DCLK2: variants seen among roughly 807,000 people sequenced by gnomAD.
The protein encoded by DCLK2 is serine/threonine-protein kinase DCLK2.
Under a neutral mutation model 78.4 loss-of-function variants are expected in DCLK2, and 31 were observed. That is an observed-to-expected ratio of 0.40 (90% CI 0.30 to 0.53). The LOEUF (loss-of-function observed/expected upper bound fraction) is 0.53, where lower values mean the gene tolerates loss of function less well. Among genes scored for constraint, DCLK2 ranks in the 20% least tolerant of loss-of-function variants. The pLI, the probability that DCLK2 is intolerant of heterozygous loss-of-function variation, is 0.61. For missense variants in DCLK2, 872 were observed against 973.7 expected (o/e 0.90, Z 1.39); for synonymous variants, 407 against 374.9 (o/e 1.09, Z -0.99).
At chr4:150,106,160 C>T (rs1048375800) in intron 2 of DCLK2, among the ~76,000 whole-genome samples, 1 of 151,278 alleles carries the variant, frequency 6.6e-6, no homozygotes, top group Non-Finnish European at 1.5e-5. Flanking sequence ...GCATTTTCAG[C>T]GAACCGGGTA....
chr4:150,224,328 G>A lies in DCLK2; in HGVS notation c.1242-173G>A, dbSNP rs192105192. On this transcript the variant is annotated intron_variant, in intron 7 of 15. Coordinates refer to ENST00000296550, the MANE Select transcript of DCLK2 (RefSeq NM_001040260.4). The stretch of plus-strand genomic sequence containing the variant: ...CACGCCTGTAATCCCAACACTTTGG[G>A]AGGCTGAGACAGGAGGATCAGTTGA... Among the ~76,000 whole-genome samples, 556 of 151,630 alleles carry A rather than the reference G, an allele frequency of 3.7e-3. 2 individuals are homozygous for A. The highest frequency in any genetic ancestry group is 4.8e-3 in the Non-Finnish European group (328 of 67,948).
intron 2 of DCLK2, among the ~76,000 whole-genome samples, chr4:150,184,625 G>A (rs1447615226): frequency 2.8e-5 from 4 of 142,362 alleles, no homozygotes; most frequent in African/African-American, 7.9e-5. Flanking sequence ...TTTTTGAGAC[G>A]GAGTCTCACT....
At chr4:150,192,280 A>G (rs1453971615) in intron 2 of DCLK2, among the ~76,000 whole-genome samples, 1 of 152,100 alleles carries the variant, frequency 6.6e-6, no homozygotes, top group Non-Finnish European at 1.5e-5. Flanking sequence ...GGAGATCAAG[A>G]CCATCCTGGC....
intron 2 of DCLK2, among the ~76,000 whole-genome samples, chr4:150,137,617 A>G (rs1252917360): frequency 1.3e-5 from 2 of 152,236 alleles, no homozygotes; most frequent in Admixed American, 6.5e-5. Context: ...GTCAGGCTCA[A>G]TGGTAAAATG....
intron 2 of DCLK2, among the ~76,000 whole-genome samples, chr4:150,174,374 C>T (rs190616570): frequency 1.4e-3 from 219 of 152,282 alleles, no homozygotes; most frequent in Non-Finnish European, 2.8e-3. Context: ...AGTATAGAGG[C>T]AGTGCTTCTT....
At chr4:150,145,184 T>G (rs1013660418) in intron 2 of DCLK2, among the ~76,000 whole-genome samples, 2 of 150,834 alleles carry the variant, frequency 1.3e-5, no homozygotes, top group Admixed American at 1.3e-4. Flanking sequence ...AAACTTTGAT[T>G]TCTGAAAATC....
chr4:150,250,534 G>A (rs1179105490), intron 15 of DCLK2, among the ~76,000 whole-genome samples: 2 of 151,774 alleles, frequency 1.3e-5, no homozygotes, highest in African/African-American at 2.4e-5. Flanking sequence ...GGGAACAGGG[G>A]TGGAGTGGCC....
intron 1 of DCLK2, among the ~76,000 whole-genome samples, chr4:150,085,741 T>C (rs1348159473): frequency 6.6e-6 from 1 of 152,150 alleles, no homozygotes; most frequent in Non-Finnish European, 1.5e-5. Context: ...TCACCATGAG[T>C]GAACCAAGAG....
intron 2 of DCLK2, among the ~76,000 whole-genome samples, chr4:150,164,005 G>T (rs1735888413): frequency 6.6e-6 from 1 of 152,166 alleles, no homozygotes; most frequent in South Asian, 2.1e-4. Context: ...TCAAACTCCT[G>T]GCCCATCCTC....
At chr4:150,120,875 C>T (rs551794658) in intron 2 of DCLK2, among the ~76,000 whole-genome samples, 1 of 152,166 alleles carries the variant, frequency 6.6e-6, no homozygotes, top group East Asian at 1.9e-4. Flanking sequence ...TCGAGACCAG[C>T]CTGGCCAACA....
intron 5 of DCLK2, among the ~76,000 whole-genome samples, chr4:150,214,781 A>G (rs1580730463): frequency 1.3e-5 from 2 of 151,850 alleles, no homozygotes; most frequent in South Asian, 4.2e-4. Context: ...GGCCAACATG[A>G]TGAAACCCCA....
chr4:150,078,950 T>TCAGA lies in DCLK2; in HGVS notation c.-76_-73dup. The TCAGA allele has an allele frequency of 7.0e-7, 1 of 1,426,022 alleles. No homozygotes were observed. The highest frequency in any genetic ancestry group is 3.0e-5 in the Admixed American group (1 of 33,864). 88.3% of individuals were successfully genotyped at this position (1,426,022 alleles called of 1,614,324 possible). On this transcript the variant is annotated 5_prime_UTR_variant, in exon 1 of 16. Transcript: ENST00000296550. ...CCCGGCGCGTTAAGGGCCCTCGCAG[T>TCAGA]CAGACGTCCCTGCACCGGCGCTCGC...
At chr4:150,214,393 C>A (rs1316617827) in intron 5 of DCLK2, among the ~76,000 whole-genome samples, 1 of 152,176 alleles carries the variant, frequency 6.6e-6, no homozygotes, top group African/African-American at 2.4e-5. Flanking sequence ...TAGCAACAAC[C>A]ATATCCTAAA....
At chr4:150,185,351 A>G (rs565992035) in intron 2 of DCLK2, among the ~76,000 whole-genome samples, 15 of 152,154 alleles carry the variant, frequency 9.9e-5, no homozygotes, top group African/African-American at 3.1e-4. Context: ...CGTGGGGATT[A>G]CAGTTTGGAT....
chr4:150,232,678 T>C lies in DCLK2; in HGVS notation c.1420-4T>C, dbSNP rs769535958. On this transcript the variant is annotated splice_region_variant and splice_polypyrimidine_tract_variant and intron_variant, in intron 9 of 15. Coordinates refer to ENST00000296550, the MANE Select transcript of DCLK2 (RefSeq NM_001040260.4). Reference sequence around the variant, plus strand: ...TTTGATATGTTCTTTTATGTATCGTTTAGGGTGGAGATCTCTTTGATGCAA... The same window carrying C: ...TTTGATATGTTCTTTTATGTATCGTCTAGGGTGGAGATCTCTTTGATGCAA... 6.2e-7 allele frequency: 1 copy of C among 1,613,814 alleles called. No homozygotes were observed. Among genetic ancestry groups the C allele is most frequent in the Non-Finnish European group, 8.5e-7 (1 of 1,179,748 alleles).
intron 5 of DCLK2, among the ~76,000 whole-genome samples, chr4:150,213,346 G>A (rs879589092): frequency 1.3e-5 from 2 of 152,204 alleles, no homozygotes; most frequent in Non-Finnish European, 2.9e-5. Flanking sequence ...CCAAATCTAA[G>A]CATGCAGCCT....
At chr4:150,086,145 C>T (rs1417105302) in intron 1 of DCLK2, among the ~76,000 whole-genome samples, 1 of 152,044 alleles carries the variant, frequency 6.6e-6, no homozygotes, top group Non-Finnish European at 1.5e-5. Context: ...TCTTGTTTAT[C>T]CTTTTATCCC....
chr4:150,215,191 CAGA>C (rs1740599077), intron 5 of DCLK2, among the ~76,000 whole-genome samples: 1 of 152,104 alleles, frequency 6.6e-6, no homozygotes, highest in African/African-American at 2.4e-5. Flanking sequence ...ACAATAAGCA[CAGA>C]AGAAGACTTT....
At chr4:150,234,632 T>A (rs78024410) in intron 10 of DCLK2, among the ~76,000 whole-genome samples, 38 of 152,354 alleles carry the variant, frequency 2.5e-4, no homozygotes, top group African/African-American at 8.4e-4. Flanking sequence ...TATCATTTGA[T>A]GATTTCTGAG....
Sources: gnomAD v4.1 joint callset for allele counts (sites outside exome capture counted in the v4.1 genomes callset) on GRCh38, gnomAD v4.1.1 for gene constraint, MANE v1.5 for transcripts, NCBI Gene and HGNC (gene_info 2026-07-23, HGNC 2026-07-21) for gene names.